Variants in NALCN observed in about 807,000 individuals in gnomAD.
NALCN encodes the protein sodium leak channel NALCN.
A neutral mutation model predicts 225.3 loss-of-function variants in NALCN; 111 were observed. The observed-to-expected ratio is 0.49, with a 90% confidence interval of 0.42 to 0.58. The LOEUF (loss-of-function observed/expected upper bound fraction) is 0.58. Ranked by LOEUF, NALCN falls within the 20% of genes least tolerant of loss-of-function variation. The pLI is 0.00. For missense variants in NALCN, 1,378 were observed against 2,202.4 expected, an observed-to-expected ratio of 0.63 and a Z score of 7.49; for synonymous variants, 764 against 769.0, an observed-to-expected ratio of 0.99 and a Z score of 0.11.
At chr13:101,321,002 C>T (rs2044727747) in intron 7 of NALCN, among the ~76,000 whole-genome samples, 1 of 152,148 alleles carries the variant, frequency 6.6e-6, no homozygotes, top group Non-Finnish European at 1.5e-5. Flanking sequence ...GGTGACAATA[C>T]CATTCAATGA....
intron 34 of NALCN, among the ~76,000 whole-genome samples, chr13:101,078,185 G>C (rs778357692): frequency 1.3e-5 from 2 of 152,152 alleles, no homozygotes; most frequent in Non-Finnish European, 2.9e-5. Flanking sequence ...GAGAACCTCT[G>C]CTGGGGCAGT....
intron 17 of NALCN, among the ~76,000 whole-genome samples, chr13:101,137,558 G>C (rs532656145): frequency 7.9e-5 from 12 of 152,192 alleles, no homozygotes; most frequent in Admixed American, 3.9e-4. Flanking sequence ...AATCTTACCA[G>C]AATGACCTAA....
intron 27 of NALCN, 73 bp downstream of exon 27, chr13:101,100,711 C>T (rs1463886891): frequency 3.5e-5 from 45 of 1,288,422 alleles, no homozygotes; most frequent in Non-Finnish European, 4.1e-5. Flanking sequence ...TTCCAAAGTG[C>T]TAGGATTGTA....
chr13:101,346,424 T>C (rs76497905), intron 6 of NALCN, among the ~76,000 whole-genome samples: 3,063 of 152,128 alleles, frequency 0.02, 111 homozygotes, highest in African/African-American at 0.07. Flanking sequence ...TTCTAAGCAA[T>C]GTTGCATGAT....
intron 7 of NALCN, among the ~76,000 whole-genome samples, chr13:101,334,494 G>A (rs12869276): frequency 0.2 from 18,387 of 89,748 alleles, 1,563 homozygotes; most frequent in East Asian, 0.47. Flanking sequence ...TGGACTGCCA[G>A]TGTTCAGAAG....
chr13:101,270,350 T>G (rs7330460), intron 10 of NALCN, among the ~76,000 whole-genome samples: 1 of 152,296 alleles, frequency 6.6e-6, no homozygotes, highest in South Asian at 2.1e-4. Context: ...ATTAAATTCC[T>G]ACATCTAGAA....
At chr13:101,294,600 A>T (rs547868366) in intron 7 of NALCN, among the ~76,000 whole-genome samples, 1 of 135,344 alleles carries the variant, frequency 7.4e-6, no homozygotes, top group East Asian at 2.2e-4. Context: ...AGCTGGGTCC[A>T]GGGGGATCAC....
At chr13:101,257,966 T>C (rs749650762) in intron 11 of NALCN, among the ~76,000 whole-genome samples, 12 of 152,292 alleles carry the variant, frequency 7.9e-5, no homozygotes, top group Middle Eastern at 3.4e-3. Flanking sequence ...CTACCTTTAA[T>C]TGGTGTCTTT....
chr13:101,270,435 G>A (rs2042739351), intron 10 of NALCN, among the ~76,000 whole-genome samples: 1 of 152,074 alleles, frequency 6.6e-6, no homozygotes, highest in African/African-American at 2.4e-5. Flanking sequence ...CAAAACTTTT[G>A]TTTTAAACTC....
At chr13:101,310,270 C>T (rs549270406) in intron 7 of NALCN, among the ~76,000 whole-genome samples, 3 of 152,310 alleles carry the variant, frequency 2.0e-5, no homozygotes, top group Non-Finnish European at 2.9e-5. Context: ...AAGGTCATTA[C>T]GTTGCCCTGG....
chr13:101,269,242 T>A (rs1275017996), intron 10 of NALCN, among the ~76,000 whole-genome samples: 1 of 141,928 alleles, frequency 7.0e-6, no homozygotes, highest in Admixed American at 7.2e-5. Context: ...ATATATATAT[T>A]TTAGCCTGGT....
In NALCN at chr13:101,107,613, G is replaced by A. The variant is rs200652639; in HGVS notation, c.2457-4C>T. On this transcript the variant is annotated splice_region_variant and splice_polypyrimidine_tract_variant and intron_variant, in intron 21 of 43. Coordinates refer to ENST00000251127, the MANE Select transcript of NALCN (RefSeq NM_052867.4). ...GAGTTCCTCTTCTTGCACTTTCCTT[G>A]AAGGAGAAATTCATGGGAGAATGAG... The A allele has an allele frequency of 6.2e-7, 1 of 1,614,048 alleles. No homozygotes were observed. The highest frequency in any genetic ancestry group is 8.5e-7 in the Non-Finnish European group (1 of 1,179,934).
At chr13:101,079,876 G>A (rs1205543243) in intron 34 of NALCN, among the ~76,000 whole-genome samples, 3 of 152,114 alleles carry the variant, frequency 2.0e-5, no homozygotes, top group African/African-American at 4.8e-5. Context: ...ACAGCGTCTC[G>A]TATTAAGGCA....
intron 6 of NALCN, among the ~76,000 whole-genome samples, chr13:101,373,867 C>T (rs757755022): frequency 6.6e-6 from 1 of 152,050 alleles, no homozygotes; most frequent in Non-Finnish European, 1.5e-5. Flanking sequence ...ATAACTTACT[C>T]TCTGGATTTA....
chr13:101,091,333 C>A (rs903543503), intron 28 of NALCN, among the ~76,000 whole-genome samples: 3 of 152,130 alleles, frequency 2.0e-5, no homozygotes, highest in African/African-American at 7.2e-5. Context: ...AGGCAACGCT[C>A]TAGGGAAAAT....
chr13:101,244,729 C>A (rs2041843491), intron 11 of NALCN, among the ~76,000 whole-genome samples: 1 of 152,160 alleles, frequency 6.6e-6, no homozygotes, highest in Admixed American at 6.5e-5. Context: ...TTAGGAAAAT[C>A]AAATTAGTTT....
At chr13:101,283,163 A>G (rs1465067780) in intron 10 of NALCN, among the ~76,000 whole-genome samples, 2 of 152,136 alleles carry the variant, frequency 1.3e-5, no homozygotes, top group Non-Finnish European at 2.9e-5. Context: ...GGGAAAATGA[A>G]AGTGAAAATA....
intron 17 of NALCN, among the ~76,000 whole-genome samples, chr13:101,125,100 AG>A (rs750777655): frequency 3.9e-5 from 6 of 152,266 alleles, no homozygotes; most frequent in Non-Finnish European, 7.3e-5. Context: ...TTTTGCTTGC[AG>A]GTGTGGGGAA....
intron 7 of NALCN, among the ~76,000 whole-genome samples, chr13:101,302,565 C>T (rs2044010423): frequency 1.3e-5 from 2 of 152,094 alleles, no homozygotes; most frequent in Admixed American, 1.3e-4. Context: ...AAATAAAGTT[C>T]TTATTTGTAT....
Sources: gnomAD v4.1 joint callset for allele counts (sites outside exome capture counted in the v4.1 genomes callset) on GRCh38, gnomAD v4.1.1 for gene constraint, MANE v1.5 for transcripts, NCBI Gene and HGNC (gene_info 2026-07-23, HGNC 2026-07-21) for gene names.